DOCK1: variants seen among roughly 807,000 people sequenced by gnomAD.
DOCK1 encodes the protein dedicator of cytokinesis protein 1.
DOCK1 carries 138 observed loss-of-function variants against 262.7 expected under a neutral mutation model. The ratio of observed to expected loss-of-function variants is 0.53; its 90% CI spans 0.46 to 0.61. The LOEUF (loss-of-function observed/expected upper bound fraction) is 0.61. Ranked by LOEUF, DOCK1 falls within the 20% of genes least tolerant of loss-of-function variation. DOCK1 has a pLI of 0.00. For missense variants in DOCK1, 1,908 were observed against 2,370.7 expected, an observed-to-expected ratio of 0.80 and a Z score of 4.05; for synonymous variants, 866 against 867.4, an observed-to-expected ratio of 1.00 and a Z score of 0.03.
intron 27 of DOCK1, among the ~76,000 whole-genome samples, chr10:127,222,642 TGTTG>T: frequency 7.1e-6 from 1 of 141,332 alleles, no homozygotes; most frequent in African/African-American, 2.9e-5. Flanking sequence ...TGTTGTGTTG[TGTTG>T]TGTTGTGTTG....
chr10:127,006,067 G>A (rs533403936), intron 10 of DOCK1, among the ~76,000 whole-genome samples: 14 of 152,314 alleles, frequency 9.2e-5, no homozygotes, highest in South Asian at 2.1e-4. Flanking sequence ...GCCTTGCGGT[G>A]TAGTAGCTAC....
intron 1 of DOCK1, among the ~76,000 whole-genome samples, chr10:126,945,733 C>T (rs890165037): frequency 5.3e-5 from 8 of 152,222 alleles, no homozygotes; most frequent in African/African-American, 1.4e-4. Flanking sequence ...CCAAGAAACA[C>T]GTGTTCATGA....
rs141904907 is a variant in DOCK1 at position 126,995,366 on chromosome 10, A to G, written c.474-1382A>G. On this transcript the variant is annotated intron_variant, in intron 6 of 51. Transcript: ENST00000623213. The surrounding 1 kb of genome is among the most constrained non-coding windows in gnomAD (Gnocchi z 5.8). ...CCTGGGCAACACTGAGCACTGGGTG[A>G]GCAAGACTCTGTCTGCAATCCCAGC... 2.0e-5 allele frequency among the ~76,000 whole-genome samples: 3 copies of G among 152,354 alleles called. No individual in the cohort carries two copies. The highest frequency in any genetic ancestry group is 7.2e-5 in the African/African-American group (3 of 41,596).
intron 1 of DOCK1, among the ~76,000 whole-genome samples, chr10:126,936,126 G>A (rs982437842): frequency 6.6e-4 from 101 of 152,264 alleles, no homozygotes; most frequent in African/African-American, 2.2e-3. Context: ...GACTACAGGT[G>A]CACACCACCA....
intron 27 of DOCK1, chr10:127,137,777 T>C: frequency 1.4e-6 from 2 of 1,476,564 alleles, no homozygotes; most frequent in Non-Finnish European, 1.8e-6. Flanking sequence ...TTTGGAAAAG[T>C]ATTGACTTAA....
At chr10:127,215,988 T>G (rs2058192080) in intron 27 of DOCK1, among the ~76,000 whole-genome samples, 1 of 152,190 alleles carries the variant, frequency 6.6e-6, no homozygotes, top group South Asian at 2.1e-4. Flanking sequence ...ATTGCTGGAT[T>G]ATCTAACTGC....
intron 37 of DOCK1, among the ~76,000 whole-genome samples, chr10:127,382,847 A>T (rs1353688944): frequency 1.3e-5 from 2 of 152,222 alleles, no homozygotes. Context: ...CATTGGATTT[A>T]TTGAGTACAG....
intron 12 of DOCK1, among the ~76,000 whole-genome samples, chr10:127,017,794 G>A (rs1221026902): frequency 7.5e-6 from 1 of 134,196 alleles, no homozygotes; most frequent in African/African-American, 2.9e-5. Flanking sequence ...CTTCCCATGG[G>A]GGGAAAAGAT....
chr10:127,348,884 AT>A (rs2063759405), intron 31 of DOCK1, among the ~76,000 whole-genome samples: 1 of 152,216 alleles, frequency 6.6e-6, no homozygotes, highest in Admixed American at 6.5e-5. Flanking sequence ...TATATTCCTG[AT>A]TATAACAGGA....
chr10:127,439,874 G>A (rs764023801), intron 49 of DOCK1, among the ~76,000 whole-genome samples: 13 of 152,232 alleles, frequency 8.5e-5, no homozygotes, highest in Admixed American at 2.0e-4. Context: ...GTGTGAGGGC[G>A]GTGAAACCCA....
At chr10:127,119,374 G>C (rs1002139598) in intron 25 of DOCK1, among the ~76,000 whole-genome samples, 1 of 152,152 alleles carries the variant, frequency 6.6e-6, no homozygotes, top group African/African-American at 2.4e-5. Flanking sequence ...TTCTGACTCC[G>C]ATGGTGCGTA....
chr10:126,963,672 TCCC>T lies in DOCK1; in HGVS notation c.47-7029_47-7027del, dbSNP rs2037453440. On this transcript the variant is annotated intron_variant, in intron 1 of 51. Coordinates refer to ENST00000623213, the MANE Select transcript of DOCK1 (RefSeq NM_001290223.2). Reference sequence around the variant, plus strand: ...CTTCCTTCCTTCCTTCCTTCCTTCCTCCCTCCCTTCCTCCCTTCCTTCCTTCCA... The same window carrying T: ...CTTCCTTCCTTCCTTCCTTCCTTCCTTCCCTTCCTCCCTTCCTTCCTTCCA... Among the ~76,000 whole-genome samples, 263 of 112,136 alleles carry T rather than the reference TCCC, an allele frequency of 2.3e-3. 10 individuals carry two copies. The highest frequency in any genetic ancestry group is 9.1e-3 in the African/African-American group (247 of 27,244). 73.6% of individuals were successfully genotyped at this position (112,136 alleles called of 152,430 possible).
intron 19 of DOCK1, among the ~76,000 whole-genome samples, chr10:127,039,305 G>A (rs1006122606): frequency 6.6e-6 from 1 of 152,118 alleles, no homozygotes; most frequent in Non-Finnish European, 1.5e-5. Flanking sequence ...CATGAACGTA[G>A]TTGAGAAGAA....
intron 26 of DOCK1, among the ~76,000 whole-genome samples, chr10:127,127,402 A>C (rs930901611): frequency 6.6e-6 from 1 of 152,234 alleles, no homozygotes; most frequent in African/African-American, 2.4e-5. Flanking sequence ...TATATTGTTT[A>C]AACAGATTTT....
intron 27 of DOCK1, among the ~76,000 whole-genome samples, chr10:127,172,140 AAT>A (rs1177406701): frequency 2.0e-5 from 3 of 152,196 alleles, no homozygotes; most frequent in African/African-American, 7.2e-5. Context: ...ATGCAACTAA[AAT>A]ACCAACTTCC....
chr10:127,437,392 A>G lies in DOCK1; in HGVS notation c.5061-1635A>G, dbSNP rs2069761710. Among the ~76,000 whole-genome samples, 1 of 152,176 alleles carries G rather than the reference A, an allele frequency of 6.6e-6. No homozygotes were observed. Among genetic ancestry groups the G allele is most frequent in the Non-Finnish European group, 1.5e-5 (1 of 68,046 alleles). Reference sequence around the variant, plus strand: ...CAAATGATCCTTCCCTTCCTGGTTCATCTTACTCCCCATTATGGGACACAC... The same window carrying G: ...CAAATGATCCTTCCCTTCCTGGTTCGTCTTACTCCCCATTATGGGACACAC... On this transcript the variant is annotated intron_variant, in intron 48 of 51. Coordinates refer to ENST00000623213, the MANE Select transcript of DOCK1 (RefSeq NM_001290223.2). This position sits in a 1 kb window ranked among gnomAD's most constrained non-coding sequence, Gnocchi z 4.4.
intron 37 of DOCK1, 92 bp from the exon 38 acceptor site, chr10:127,384,698 G>T: frequency 7.2e-7 from 1 of 1,383,916 alleles, no homozygotes. Context: ...CAGAACCGCG[G>T]CCCACACGCG....
chr10:127,182,720 A>G (rs186806054), intron 27 of DOCK1, among the ~76,000 whole-genome samples: 1 of 152,318 alleles, frequency 6.6e-6, no homozygotes, highest in East Asian at 1.9e-4. Flanking sequence ...GTTGGTTCCA[A>G]CAACTCACCA....
chr10:126,931,107 C>T (rs1298855935), intron 1 of DOCK1, among the ~76,000 whole-genome samples: 1 of 152,070 alleles, frequency 6.6e-6, no homozygotes, highest in Admixed American at 6.5e-5. Flanking sequence ...AGCCAGGTCT[C>T]TGACCCAGGA....
Sources: allele counts gnomAD v4.1 joint callset (sites outside exome capture counted in the v4.1 genomes callset), GRCh38; gene constraint gnomAD v4.1.1; non-coding constraint Gnocchi (gnomAD v3.1); transcripts MANE v1.5; gene names NCBI Gene and HGNC (gene_info 2026-07-23, HGNC 2026-07-21).